The following CCDC73 variants were observed in gnomAD, a reference collection of about 807,000 sequenced individuals.
CCDC73 encodes coiled-coil domain containing 73.
CCDC73 carries 95 observed loss-of-function variants against 116.5 expected under a neutral mutation model. The ratio of observed to expected loss-of-function variants is 0.82; its 90% confidence interval spans 0.69 to 0.97. The LOEUF (loss-of-function observed/expected upper bound fraction) is 0.97, where lower values mean the gene tolerates loss of function less well. CCDC73 is among the 50% of genes least tolerant of loss of function. The pLI, the probability that CCDC73 is intolerant of heterozygous loss-of-function variation, is 0.00. For missense variants in CCDC73, 1,066 were observed against 1,206.8 expected (o/e 0.88, Z 1.73); for synonymous variants, 398 against 401.3 (o/e 0.99, Z 0.10).
At chr11:32,636,423 C>T (rs1855679545) in intron 13 of CCDC73, among the ~76,000 whole-genome samples, 1 of 152,008 alleles carries the variant, frequency 6.6e-6, no homozygotes, top group African/African-American at 2.4e-5. Context: ...ATAAATTAGA[C>T]TTTCACTCCC....
chr11:32,654,683 T>TAA (rs1855855058), intron 10 of CCDC73, among the ~76,000 whole-genome samples, 161 bp downstream of exon 10: 1 of 152,252 alleles, frequency 6.6e-6, no homozygotes, highest in Non-Finnish European at 1.5e-5. Flanking sequence ...CTTATTGTCC[T>TAA]AAAGTCTATG....
At chr11:32,662,910 A>G (rs1198780732) in intron 9 of CCDC73, among the ~76,000 whole-genome samples, 2 of 152,214 alleles carry the variant, frequency 1.3e-5, no homozygotes, top group Non-Finnish European at 2.9e-5. Flanking sequence ...ACATATGGCT[A>G]GCCAGTTTTC....
chr11:32,639,160 C>T (rs549645856), intron 13 of CCDC73, among the ~76,000 whole-genome samples: 4 of 150,014 alleles, frequency 2.7e-5, no homozygotes, highest in African/African-American at 1.0e-4. Context: ...CCGACACCCC[C>T]CCCAAAAAAT....
At chr11:32,817,248 T>C in the CCDC73 span, among the ~76,000 whole-genome samples, 58 of 152,354 alleles carry the variant, frequency 3.8e-4, no homozygotes, top group African/African-American at 1.3e-3. Context: ...ATTTTTAAAA[T>C]GGCAATGCAA....
In CCDC73 at chr11:32,613,807, A is replaced by G. The variant is rs371663578; in HGVS notation, c.2511T>C (p.His837=). Residue 837 remains histidine (H), a synonymous_variant, in exon 16 of 18, where the codon CAT becomes CAC. Transcript: ENST00000335185. ...FLFVSINERQ[H]TLLNNTEKTE... Reference sequence around the variant, plus strand: ...TTTTCTCTGTATTATTTAACAATGTATGCTGTCTTTCATTAATGCTCACAA... The same window carrying G: ...TTTTCTCTGTATTATTTAACAATGTGTGCTGTCTTTCATTAATGCTCACAA... 13 of 1,613,638 alleles carry G rather than the reference A, an allele frequency of 8.1e-6. No individual in the cohort carries two copies. In the African/African-American group the frequency reaches 1.7e-4, roughly 22 times the overall value.
intron 2 of CCDC73, among the ~76,000 whole-genome samples, chr11:32,744,595 T>C (rs1850217975): frequency 6.6e-6 from 1 of 152,216 alleles, no homozygotes; most frequent in South Asian, 2.1e-4. Context: ...AATCTGTTAT[T>C]GGTCTATTCA....
intron 7 of CCDC73, chr11:32,682,614 A>G (rs1442972777): frequency 6.6e-6 from 1 of 151,986 alleles, no homozygotes; most frequent in Non-Finnish European, 1.5e-5. Context: ...AGTCTGCTCC[A>G]AAGAATGAAG....
rs540968874 is a variant in CCDC73, at chr11:32,708,775, T to C, written c.208-5831A>G. On this transcript the variant is annotated intron_variant, in intron 3 of 17. Coordinates refer to ENST00000335185, the MANE Select transcript of CCDC73 (RefSeq NM_001008391.4). The stretch of plus-strand genomic sequence containing the variant: ...TACATTAATTTTGTATCCTGAAACC[T>C]TGTTGAATTGATTTGCCAGTTCTAG... Among the ~76,000 whole-genome samples the C allele has an allele frequency of 3.9e-5, 6 of 152,348 alleles. No individual in the cohort carries two copies. In the South Asian group the frequency reaches 1.2e-3, roughly 32 times the overall value.
At chr11:32,693,652 T>C (rs942511777) in intron 6 of CCDC73, among the ~76,000 whole-genome samples, 4 of 152,168 alleles carry the variant, frequency 2.6e-5, no homozygotes, top group Non-Finnish European at 4.4e-5. Context: ...TGAACATCGA[T>C]GCAAAAATCC....
At chr11:32,750,232 G>T (rs891690031) in intron 2 of CCDC73, among the ~76,000 whole-genome samples, 1 of 152,094 alleles carries the variant, frequency 6.6e-6, no homozygotes, top group East Asian at 1.9e-4. Context: ...CTGGAGTTGG[G>T]GGACAGGTGA....
chr11:32,662,349 G>A (rs953802368), intron 9 of CCDC73, among the ~76,000 whole-genome samples: 2 of 152,136 alleles, frequency 1.3e-5, no homozygotes, highest in African/African-American at 4.8e-5. Context: ...AGCTCCTGTT[G>A]TTTCCTGACT....
intron 1 of CCDC73, among the ~76,000 whole-genome samples, chr11:32,765,823 C>T (rs977869978): frequency 6.6e-6 from 1 of 152,108 alleles, no homozygotes; most frequent in African/African-American, 2.4e-5. Flanking sequence ...TAAGAGCCTA[C>T]CAAACAAAAA....
intron 4 of CCDC73, among the ~76,000 whole-genome samples, chr11:32,701,586 T>A (rs1270957319): frequency 1.3e-5 from 2 of 151,950 alleles, no homozygotes; most frequent in African/African-American, 4.8e-5. Flanking sequence ...CCCAGCTACT[T>A]GGGAGGCGGG....
chr11:32,790,064 C>T (rs1850661916), intron 1 of CCDC73, among the ~76,000 whole-genome samples: 1 of 152,032 alleles, frequency 6.6e-6, no homozygotes, highest in Admixed American at 6.6e-5. Flanking sequence ...AAATGAGGAA[C>T]TAAAAGTAGT....
At chr11:32,619,866 GAGA>G (rs1855507913) in intron 14 of CCDC73, among the ~76,000 whole-genome samples, 1 of 131,860 alleles carries the variant, frequency 7.6e-6, no homozygotes, top group Non-Finnish European at 1.6e-5. Flanking sequence ...AGAAGGGAAG[GAGA>G]AGGAGGAGGG....
At chr11:32,747,987 G>T (rs930386150) in intron 2 of CCDC73, among the ~76,000 whole-genome samples, 3 of 152,162 alleles carry the variant, frequency 2.0e-5, no homozygotes, top group Non-Finnish European at 4.4e-5. Flanking sequence ...GATAAACCAG[G>T]TATCTCAGTT....
At chr11:32,814,541 G>A in the CCDC73 span, among the ~76,000 whole-genome samples, 1 of 152,142 alleles carries the variant, frequency 6.6e-6, no homozygotes, top group South Asian at 2.1e-4. Flanking sequence ...AACAAGTGTT[G>A]GCAAGGATGT....
intron 9 of CCDC73, among the ~76,000 whole-genome samples, chr11:32,672,098 C>A (rs1856044782): frequency 6.6e-6 from 1 of 152,114 alleles, no homozygotes. Flanking sequence ...AACCTGTAAT[C>A]CCAGAACTTT....
At chr11:32,687,345 C>T (rs1483711749) in intron 6 of CCDC73, among the ~76,000 whole-genome samples, 3 of 152,026 alleles carry the variant, frequency 2.0e-5, no homozygotes, top group African/African-American at 7.3e-5. Context: ...AGGAGGGTGA[C>T]CCTGCAAAAG....
Sources: allele counts gnomAD v4.1 joint callset (sites outside exome capture counted in the v4.1 genomes callset), GRCh38; gene constraint gnomAD v4.1.1; transcripts MANE v1.5; gene names NCBI Gene and HGNC (gene_info 2026-07-23, HGNC 2026-07-21).